DMD: variants seen among roughly 807,000 people sequenced by gnomAD.
DMD encodes mutant dystrophin.
DMD carries 63 observed loss-of-function variants against 330.1 expected under a neutral mutation model. The observed-to-expected ratio is 0.19, with a 90% CI of 0.16 to 0.24. DMD has a LOEUF of 0.24. Ranked by LOEUF, DMD falls within the 10% of genes least tolerant of loss-of-function variation. The pLI, the probability that DMD is intolerant of heterozygous loss-of-function variation, is 1.00. For missense variants in DMD, 3,344 were observed against 2,684.1 expected, an observed-to-expected ratio of 1.25 and a Z score of -5.43; for synonymous variants, 1,223 against 959.8, an observed-to-expected ratio of 1.27 and a Z score of -5.07.
At chrX:31,194,123 T>G (rs764672333) in intron 67 of DMD, among the ~76,000 whole-genome samples, 1 of 110,933 alleles carries the variant, frequency 9.0e-6, no homozygotes, top group East Asian at 2.8e-4. Context: ...GAGGTTGCAG[T>G]GAGCCGAGAT....
chrX:32,280,052 CTATG>C (rs1371051862), intron 43 of DMD, among the ~76,000 whole-genome samples: 2 of 56,911 alleles, frequency 3.5e-5, no homozygotes, highest in African/African-American at 6.1e-5. Flanking sequence ...CATATATACA[CTATG>C]TATGTGTGTA....
At chrX:32,726,284 A>G (rs1167754605) in intron 7 of DMD, among the ~76,000 whole-genome samples, 3 of 111,413 alleles carry the variant, frequency 2.7e-5, no homozygotes, top group Non-Finnish European at 5.7e-5. Flanking sequence ...AATGTCTCCC[A>G]TAATAAATTC....
intron 45 of DMD, among the ~76,000 whole-genome samples, chrX:31,963,070 A>C (rs1012643848): frequency 2.4e-4 from 27 of 111,920 alleles, no homozygotes; most frequent in Admixed American, 1.0e-3. Flanking sequence ...AAGTTAAAGA[A>C]AACTTAAGAG....
At chrX:33,009,093 CGTATATATGTATATATATGTGT>C (rs2093491265) in intron 2 of DMD, among the ~76,000 whole-genome samples, 1 of 24,986 alleles carries the variant, frequency 4.0e-5, no homozygotes, top group Admixed American at 5.9e-4. Context: ...TGTATATATA[CGTATATATGTATATATATGTGT>C]ATATATACGT....
intron 1 of DMD, among the ~76,000 whole-genome samples, chrX:33,140,667 C>T (rs1266637783): frequency 8.9e-6 from 1 of 112,073 alleles, no homozygotes; most frequent in Non-Finnish European, 1.9e-5. Context: ...GAGAAACATA[C>T]ATTTATGCAA....
intron 63 of DMD, among the ~76,000 whole-genome samples, chrX:31,249,119 AC>A (rs1391564284): frequency 8.9e-6 from 1 of 111,754 alleles, no homozygotes; most frequent in Non-Finnish European, 1.9e-5. Flanking sequence ...CAAATCAAAA[AC>A]CTTAGTATAA....
chrX:32,116,875 T>C (rs1405691382), intron 44 of DMD, among the ~76,000 whole-genome samples: 1 of 112,217 alleles, frequency 8.9e-6, no homozygotes, highest in Non-Finnish European at 1.9e-5. Flanking sequence ...CTTGTTAAAA[T>C]AGTACATAAG....
chrX:33,331,082 T>A (rs997405357), intron 1 of DMD, among the ~76,000 whole-genome samples: 1 of 112,394 alleles, frequency 8.9e-6, no homozygotes, highest in Admixed American at 9.5e-5. Context: ...TTAGAATTTA[T>A]CAATAAATAT....
chrX:31,722,941 G>A (rs2085687036), intron 52 of DMD, among the ~76,000 whole-genome samples: 1 of 110,351 alleles, frequency 9.1e-6, no homozygotes, highest in East Asian at 2.8e-4. Context: ...CCAGCTACTC[G>A]GTAGGCTGAG....
intron 2 of DMD, among the ~76,000 whole-genome samples, chrX:33,000,103 T>C (rs1024123634): frequency 8.9e-6 from 1 of 112,325 alleles, no homozygotes; most frequent in African/African-American, 3.2e-5. Context: ...TTGGTAAATG[T>C]ATATTTTGTG....
chrX:31,872,026 G>A (rs1283851356), intron 48 of DMD, among the ~76,000 whole-genome samples: 1 of 107,960 alleles, frequency 9.3e-6, no homozygotes, highest in African/African-American at 3.4e-5. Flanking sequence ...TTATAAGCTG[G>A]GGGTTTGAGA....
At chrX:33,257,730 GCA>G (rs1456042441) in intron 1 of DMD, among the ~76,000 whole-genome samples, 1 of 110,743 alleles carries the variant, frequency 9.0e-6, no homozygotes, top group Non-Finnish European at 1.9e-5. Context: ...AAGCCATTTT[GCA>G]CAGTTATATT....
intron 7 of DMD, among the ~76,000 whole-genome samples, chrX:32,721,343 C>A (rs1266139406): frequency 9.1e-6 from 1 of 110,281 alleles, no homozygotes; most frequent in African/African-American, 3.3e-5. Context: ...TCAGGGTTCC[C>A]TTTCCTCCTT....
intron 44 of DMD, among the ~76,000 whole-genome samples, chrX:32,157,622 G>A (rs905090943): frequency 1.7e-4 from 19 of 112,234 alleles, no homozygotes; most frequent in African/African-American, 6.2e-4. Flanking sequence ...AATGTATGCA[G>A]TTTTGATCTT....
intron 44 of DMD, among the ~76,000 whole-genome samples, chrX:31,980,264 A>C (rs2095467686): frequency 8.9e-6 from 1 of 112,059 alleles, no homozygotes; most frequent in Admixed American, 9.5e-5. Flanking sequence ...CATCTTATTC[A>C]TAACAGCCAA....
chrX:32,163,725 A>G (rs2096858212), intron 44 of DMD, among the ~76,000 whole-genome samples: 1 of 111,636 alleles, frequency 9.0e-6, no homozygotes, highest in South Asian at 3.8e-4. Flanking sequence ...GTGCATAGCT[A>G]TGTAAGATGT....
chrX:32,384,185 A>G lies in DMD; in HGVS notation c.4674+2125T>C, dbSNP rs1486679858. 5.4e-5 allele frequency among the ~76,000 whole-genome samples: 6 copies of G among 110,463 alleles called. No individual in the cohort carries two copies. In the South Asian group the frequency reaches 1.5e-3, roughly 28 times the overall value. On this transcript the variant is annotated intron_variant, in intron 33 of 78. Transcript: ENST00000357033. ...AGCATTAGGATTAATATTAGAGATT[A>G]TTCAATCTCTAATACATTTGAGACT... is the stretch of plus-strand genomic sequence containing the variant.
At chrX:32,502,857 G>A (rs972129175) in intron 18 of DMD, among the ~76,000 whole-genome samples, 3 of 111,156 alleles carry the variant, frequency 2.7e-5, no homozygotes, top group Non-Finnish European at 5.7e-5. Context: ...TGGACAGTCT[G>A]CACCACTGTT....
At position 31,245,704 on chromosome X, in the gene DMD, G is replaced by A. The variant is rs7889672; in HGVS notation, c.9286+15251C>T. ...TTATGGTGAATCGTGATCAGTAATC[G>A]TTGATGTTACTACTGAAATTGTTTT... On this transcript the variant is annotated intron_variant, in intron 63 of 78. Transcript: ENST00000357033. 2.5e-3 allele frequency among the ~76,000 whole-genome samples: 276 copies of A among 111,120 alleles called. 1 individual carries two copies. Among genetic ancestry groups the A allele is most frequent in the African/African-American group, 8.8e-3 (270 of 30,537 alleles).
Sources: gnomAD v4.1 joint callset for allele counts (sites outside exome capture counted in the v4.1 genomes callset) on GRCh38, gnomAD v4.1.1 for gene constraint, MANE v1.5 for transcripts, NCBI Gene and HGNC (gene_info 2026-07-23, HGNC 2026-07-21) for gene names.